The following IL31RA variants were observed in gnomAD, a reference collection of about 807,000 sequenced individuals.
IL31RA encodes the protein interleukin 31 receptor A.
Under a neutral mutation model 83.7 loss-of-function variants are expected in IL31RA, and 66 were observed. That is an observed-to-expected ratio of 0.79 (90% CI 0.65 to 0.97). IL31RA has a LOEUF of 0.97. IL31RA is among the 50% of genes least tolerant of loss of function. The pLI, the probability that IL31RA is intolerant of heterozygous loss-of-function variation, is 0.00. For synonymous variants in IL31RA, 325 were observed against 329.0 expected (o/e 0.99, Z 0.13); for missense variants, 798 against 919.4 (o/e 0.87, Z 1.71).
rs1384535062 is a variant in IL31RA at position 55,899,968 on chromosome 5, A to G, written c.905A>G (p.Tyr302Cys). ...LEKTLGYNIW[Y>C]YPESNTNLTE... ...AAAACACTTGGCTACAACATATGGT[A>G]CTATCCAGAAAGCAACACTAACCTC... The change falls in exon 8 of 15, where the codon TAC becomes TGC. Residue 302 changes from tyrosine to cysteine, a missense_variant. Transcript: ENST00000652347. The G allele has an allele frequency of 1.2e-6, 2 of 1,614,074 alleles. No homozygotes were observed. The highest frequency in any genetic ancestry group is 1.3e-5 in the African/African-American group (1 of 74,926).
chr5:55,849,757 G>A (rs1745010204), upstream of IL31RA, among the ~76,000 whole-genome samples: 1 of 152,064 alleles, frequency 6.6e-6, no homozygotes, highest in Non-Finnish European at 1.5e-5. Flanking sequence ...TTATCATCTT[G>A]GGATCTCCCT....
chr5:55,913,372 A>G, intron 12 of IL31RA, 105 bp from the exon 13 acceptor site: 1 of 786,888 alleles, frequency 1.3e-6, no homozygotes, highest in Non-Finnish European at 2.2e-6. Flanking sequence ...AAGAAAACTA[A>G]TAAGACATTG....
intron 12 of IL31RA, among the ~76,000 whole-genome samples, chr5:55,911,460 A>AT (rs1248132434): frequency 1.5e-4 from 23 of 152,330 alleles, no homozygotes; most frequent in African/African-American, 5.5e-4. Context: ...CTACTGACCC[A>AT]TAGGAAGGGG....
intron 4 of IL31RA, among the ~76,000 whole-genome samples, chr5:55,881,597 C>G (rs1266552402): frequency 1.3e-5 from 2 of 151,938 alleles, no homozygotes; most frequent in Non-Finnish European, 2.9e-5. Context: ...CGTACGCATG[C>G]TCAACTGAGG....
At chr5:55,852,975 C>A (rs1745149682) in intron 1 of IL31RA, among the ~76,000 whole-genome samples, 1 of 152,218 alleles carries the variant, frequency 6.6e-6, no homozygotes, top group African/African-American at 2.4e-5. Flanking sequence ...AAGAGCTCCA[C>A]AAATTATTAA....
intron 1 of IL31RA, chr5:55,853,309 C>A: frequency 8.2e-7 from 1 of 1,221,290 alleles, no homozygotes; most frequent in Non-Finnish European, 1.0e-6. Context: ...TTTGTTTTTG[C>A]TTTTGTTTTT....
At chr5:55,859,457 CT>C in intron 1 of IL31RA, 51 bp from the exon 2 acceptor site, 2 of 1,284,164 alleles carry the variant, frequency 1.6e-6, no homozygotes, top group African/African-American at 1.5e-5. Flanking sequence ...GGAAATAGAG[CT>C]TTTGAAAAGA....
chr5:55,868,762 T>G (rs1561544843), intron 2 of IL31RA, 29 bp from the exon 3 acceptor site: 8 of 1,174,114 alleles, frequency 6.8e-6, no homozygotes, highest in Non-Finnish European at 1.0e-5. Flanking sequence ...ATTTTTGTGT[T>G]TGTGTGTGTG....
At chr5:55,851,037 G>A (rs954819933), upstream of IL31RA, among the ~76,000 whole-genome samples, 6 of 152,028 alleles carry the variant, frequency 3.9e-5, no homozygotes, top group African/African-American at 1.5e-4. Flanking sequence ...GGAGGTTGCG[G>A]TGAGCTGAGA....
intron 2 of IL31RA, 67 bp from the exon 3 acceptor site, chr5:55,868,724 A>G: frequency 1.1e-6 from 1 of 947,334 alleles, no homozygotes; most frequent in Non-Finnish European, 1.7e-6. Flanking sequence ...AAAATGTTCA[A>G]TGCTGGCAAT....
At chr5:55,845,560 C>G in the IL31RA span, among the ~76,000 whole-genome samples, 1 of 152,140 alleles carries the variant, frequency 6.6e-6, no homozygotes, top group African/African-American at 2.4e-5. Context: ...CTATTTCCCC[C>G]ACGCTGTTCT....
upstream of IL31RA, among the ~76,000 whole-genome samples, chr5:55,847,101 G>A (rs1744942522): frequency 6.6e-6 from 1 of 150,686 alleles, no homozygotes; most frequent in Non-Finnish European, 1.5e-5. Context: ...AAATTAGCTG[G>A]GCATGGTGGT....
At chr5:55,913,693 T>C in intron 13 of IL31RA, 123 bp downstream of exon 13, 1 of 735,900 alleles carries the variant, frequency 1.4e-6, no homozygotes, top group East Asian at 2.6e-5. Context: ...TTTATTAACT[T>C]GGTGCGTATT....
intron 1 of IL31RA, chr5:55,853,659 G>C: frequency 7.5e-7 from 1 of 1,325,494 alleles, no homozygotes; most frequent in Non-Finnish European, 1.1e-6. Context: ...GAAATTATGG[G>C]TCAGACCCAC....
intron 13 of IL31RA, 36 bp from the exon 14 acceptor site, chr5:55,914,811 A>T (rs1448116097): frequency 6.9e-7 from 1 of 1,458,538 alleles, no homozygotes; most frequent in Non-Finnish European, 9.6e-7. Context: ...TGCTTCTTGG[A>T]TTCAATTCCC....
chr5:55,852,006 T>C (rs139938829), intron 1 of IL31RA, among the ~76,000 whole-genome samples: 1 of 152,334 alleles, frequency 6.6e-6, no homozygotes, highest in African/African-American at 2.4e-5. Flanking sequence ...ATTGGTCTTG[T>C]CTTAACCAGA....
At chr5:55,849,415 A>G (rs1313795632), upstream of IL31RA, among the ~76,000 whole-genome samples, 2 of 152,206 alleles carry the variant, frequency 1.3e-5, no homozygotes, top group African/African-American at 4.8e-5. Flanking sequence ...CAATATAGTT[A>G]TAACTTTTGT....
chr5:55,895,603 CAT>C (rs957140593), intron 6 of IL31RA, among the ~76,000 whole-genome samples: 5 of 152,192 alleles, frequency 3.3e-5, no homozygotes, highest in African/African-American at 9.7e-5. Flanking sequence ...GAAAAATGCA[CAT>C]ATATGATATT....
At chr5:55,877,047 CTT>C (rs1009973603) in intron 4 of IL31RA, among the ~76,000 whole-genome samples, 2 of 151,962 alleles carry the variant, frequency 1.3e-5, no homozygotes, top group Non-Finnish European at 2.9e-5. Flanking sequence ...TTTTATCCCT[CTT>C]TTTTTCATTA....
Sources: gnomAD v4.1 joint callset for allele counts (sites outside exome capture counted in the v4.1 genomes callset) on GRCh38, gnomAD v4.1.1 for gene constraint, MANE v1.5 for transcripts, NCBI Gene and HGNC (gene_info 2026-07-23, HGNC 2026-07-21) for gene names.